Variants in ST8SIA6 observed in about 807,000 individuals in gnomAD.
ST8SIA6 encodes ST8 alpha-N-acetyl-neuraminide alpha-2,8-sialyltransferase 6.
In ST8SIA6, 39 loss-of-function variants were observed where a neutral mutation model predicts 33.6. The ratio of observed to expected loss-of-function variants is 1.16; its 90% CI spans 0.90 to 1.52. The LOEUF (loss-of-function observed/expected upper bound fraction) is 1.52. Among genes scored for constraint, ST8SIA6 ranks in the 40% most tolerant of loss-of-function variants. ST8SIA6 has a pLI of 0.00. For synonymous variants in ST8SIA6, 172 were observed against 167.2 expected (o/e 1.03, Z -0.22); for missense variants, 441 against 443.8 (o/e 0.99, Z 0.06).
At chr10:17,334,189 C>T (rs145632940) in intron 4 of ST8SIA6, among the ~76,000 whole-genome samples, 351 of 152,092 alleles carry the variant, frequency 2.3e-3, no homozygotes, top group African/African-American at 8.2e-3. Flanking sequence ...TCTGATGATA[C>T]TGTTATAACA....
At chr10:17,368,128 G>T (rs553976379) in intron 3 of ST8SIA6, among the ~76,000 whole-genome samples, 1 of 151,132 alleles carries the variant, frequency 6.6e-6, no homozygotes, top group South Asian at 2.1e-4. Context: ...AGGCGCAGTG[G>T]CTCACGCCTA....
chr10:17,342,944 C>T (rs919827258), intron 4 of ST8SIA6, among the ~76,000 whole-genome samples: 1 of 151,976 alleles, frequency 6.6e-6, no homozygotes, highest in African/African-American at 2.4e-5. Context: ...GACACCCTCT[C>T]AAAAAATAAA....
At chr10:17,384,388 T>C (rs560639126) in intron 3 of ST8SIA6, among the ~76,000 whole-genome samples, 1 of 152,324 alleles carries the variant, frequency 6.6e-6, no homozygotes, top group South Asian at 2.1e-4. Flanking sequence ...TAAAAAACTA[T>C]GTAAAAAATA....
chr10:17,333,672 G>GATAAT (rs1372847609), intron 4 of ST8SIA6, among the ~76,000 whole-genome samples: 2 of 35,216 alleles, frequency 5.7e-5, no homozygotes, highest in Non-Finnish European at 4.5e-5. Context: ...ATGGTGCTGG[G>GATAAT]ATATATATAT....
chr10:17,318,549 G>A lies in ST8SIA6; in HGVS notation c.*2329C>T, dbSNP rs569526789. 1 of 396,304 alleles carries A rather than the reference G, an allele frequency of 2.5e-6. No homozygotes were observed. Among genetic ancestry groups the A allele is most frequent in the East Asian group, 7.1e-5 (1 of 14,034 alleles). The allele number at this position is 396,304 out of a possible 1,614,324, so 24.5% of individuals were successfully genotyped here. A position where few individuals can be genotyped will look rare whatever the true frequency, so the allele number is the denominator to read the frequency against. ...TGCTCTTGTCTAGTACCAGAACTCAGACTTTCCATTCTCAATGCCCTTAGA... is the reference window on the plus strand; with the variant it reads ...TGCTCTTGTCTAGTACCAGAACTCAAACTTTCCATTCTCAATGCCCTTAGA... On this transcript the variant is annotated 3_prime_UTR_variant, in exon 8 of 8. Coordinates refer to ENST00000377602, the MANE Select transcript of ST8SIA6 (RefSeq NM_001004470.3).
chr10:17,419,721 A>G (rs1248046949), intron 2 of ST8SIA6, among the ~76,000 whole-genome samples: 2 of 152,210 alleles, frequency 1.3e-5, no homozygotes, highest in African/African-American at 4.8e-5. Context: ...TCTGCTCCAA[A>G]CAGTGAGCAT....
intron 6 of ST8SIA6, 103 bp downstream of exon 6, chr10:17,326,911 A>C (rs1848148311): frequency 1.3e-6 from 1 of 769,144 alleles, no homozygotes; most frequent in Non-Finnish European, 1.9e-6. Flanking sequence ...CTTTTGTAAC[A>C]GAGCTCAAAG....
At chr10:17,339,094 T>A (rs960712367) in intron 4 of ST8SIA6, among the ~76,000 whole-genome samples, 17 of 140,166 alleles carry the variant, frequency 1.2e-4, no homozygotes, top group African/African-American at 4.7e-4. Flanking sequence ...AAGGGATCTT[T>A]ATTAAAATTG....
At chr10:17,448,684 C>T (rs527317961) in intron 2 of ST8SIA6, among the ~76,000 whole-genome samples, 5 of 151,928 alleles carry the variant, frequency 3.3e-5, no homozygotes, top group African/African-American at 7.3e-5. Context: ...GGCACAATCT[C>T]GGCTCACTGC....
rs768617362 is a variant in ST8SIA6, at chr10:17,321,104, C to A, written c.971G>T (p.Gly324Val). The A allele has an allele frequency of 1.2e-6, 2 of 1,614,104 alleles. No individual in the cohort carries two copies. The highest frequency in any genetic ancestry group is 3.3e-5 in the Admixed American group (2 of 59,996). The change falls in exon 8 of 8, where the codon GGC (glycine) becomes GTC (valine). Residue 324 changes from glycine (G) to valine (V), a missense_variant. Gly to Val is a moderately radical substitution (Grantham distance 109). Transcript: ENST00000377602. ...CACTGCAACACTTGTGATCATCAAG[C>A]CGGTGGACAAGCGGTATGCAGTCAC... is the stretch of plus-strand genomic sequence containing the variant. Reference protein sequence around the residue: ...KGVTAYRLSTGLMITSVAVEL... With the variant: ...KGVTAYRLSTVLMITSVAVEL...
At chr10:17,429,985 G>T (rs1447298211) in intron 2 of ST8SIA6, among the ~76,000 whole-genome samples, 6 of 152,052 alleles carry the variant, frequency 3.9e-5, no homozygotes, top group Non-Finnish European at 7.3e-5. Flanking sequence ...TGAGATTTTA[G>T]TGCACCCATC....
At chr10:17,427,608 A>G (rs904164349) in intron 2 of ST8SIA6, among the ~76,000 whole-genome samples, 1 of 152,254 alleles carries the variant, frequency 6.6e-6, no homozygotes, top group Middle Eastern at 3.2e-3. Context: ...TTTCCTTTCT[A>G]TAGATCAAGG....
At chr10:17,347,849 C>A (rs915739280) in intron 4 of ST8SIA6, among the ~76,000 whole-genome samples, 1 of 140,930 alleles carries the variant, frequency 7.1e-6, no homozygotes, top group Non-Finnish European at 1.5e-5. Context: ...GCAGGAGAAT[C>A]GGAGGCTGAG....
chr10:17,329,577 C>A (rs1848233680), intron 5 of ST8SIA6, among the ~76,000 whole-genome samples: 1 of 152,126 alleles, frequency 6.6e-6, no homozygotes, highest in Non-Finnish European at 1.5e-5. Flanking sequence ...ACCATAAATT[C>A]TGAAGTTTAT....
At chr10:17,362,420 A>G (rs1328472148) in intron 3 of ST8SIA6, among the ~76,000 whole-genome samples, 1 of 152,220 alleles carries the variant, frequency 6.6e-6, no homozygotes, top group East Asian at 1.9e-4. Flanking sequence ...GCCATTTTTA[A>G]GGATCAAATA....
At chr10:17,381,085 G>C (rs1850136172) in intron 3 of ST8SIA6, among the ~76,000 whole-genome samples, 1 of 149,580 alleles carries the variant, frequency 6.7e-6, no homozygotes, top group Non-Finnish European at 1.5e-5. Flanking sequence ...TCACCTGATT[G>C]TTTGACTAAC....
At chr10:17,351,546 GAATA>G (rs1178928147) in intron 4 of ST8SIA6, among the ~76,000 whole-genome samples, 14 of 148,088 alleles carry the variant, frequency 9.5e-5, no homozygotes, top group African/African-American at 3.3e-4. Context: ...GAAAGAAAAT[GAATA>G]AATACCCAAA....
chr10:17,423,042 T>C (rs745454438), intron 2 of ST8SIA6, among the ~76,000 whole-genome samples: 3 of 152,146 alleles, frequency 2.0e-5, no homozygotes, highest in African/African-American at 4.8e-5. Flanking sequence ...TTTAATAGAA[T>C]AGTACTGCCA....
intron 2 of ST8SIA6, among the ~76,000 whole-genome samples, chr10:17,444,723 T>A (rs1305226685): frequency 6.6e-6 from 1 of 151,932 alleles, no homozygotes; most frequent in Non-Finnish European, 1.5e-5. Flanking sequence ...CACTGAAAAA[T>A]GTCAACCTGG....
Sources: gnomAD v4.1 joint callset for allele counts (sites outside exome capture counted in the v4.1 genomes callset) on GRCh38, gnomAD v4.1.1 for gene constraint, MANE v1.5 for transcripts, NCBI Gene and HGNC (gene_info 2026-07-23, HGNC 2026-07-21) for gene names.